RTN4RL1: variants seen among roughly 807,000 people sequenced by gnomAD.
RTN4RL1 encodes reticulon 4 receptor like 1.
In RTN4RL1, 7 loss-of-function variants were observed where a neutral mutation model predicts 25.6. The observed-to-expected ratio is 0.27, with a 90% confidence interval of 0.16 to 0.51. RTN4RL1 has a LOEUF of 0.51. Among genes scored for constraint, RTN4RL1 ranks in the 20% least tolerant of loss-of-function variants. RTN4RL1 has a pLI of 0.97. For missense variants in RTN4RL1, 500 were observed against 615.6 expected (o/e 0.81, Z 1.99); for synonymous variants, 297 against 288.2 (o/e 1.03, Z -0.31).
At chr17:1,951,660 T>C (rs1807546563) in intron 1 of RTN4RL1, among the ~76,000 whole-genome samples, 1 of 151,978 alleles carries the variant, frequency 6.6e-6, no homozygotes, top group East Asian at 1.9e-4. Context: ...CACATGTTGG[T>C]CAGGCTGGTC....
At position 1,951,062 on chromosome 17, in the gene RTN4RL1, G is replaced by A. The variant is rs939159634; in HGVS notation, c.14-13254C>T. Among the ~76,000 whole-genome samples, 10 of 151,742 alleles carry A rather than the reference G, an allele frequency of 6.6e-5. No individual in the cohort carries two copies. In the South Asian group the frequency reaches 1.7e-3, roughly 25 times the overall value. The stretch of plus-strand genomic sequence containing the variant: ...GGGTGGATCACGAGGTCAGGAGATC[G>A]AGACCATCCTGGCTAACACGGTGAA... On this transcript the variant is annotated intron_variant, in intron 1 of 1. Coordinates refer to ENST00000331238, the MANE Select transcript of RTN4RL1 (RefSeq NM_178568.4).
At chr17:1,954,080 C>T (rs532156585) in intron 1 of RTN4RL1, among the ~76,000 whole-genome samples, 4 of 152,184 alleles carry the variant, frequency 2.6e-5, no homozygotes, top group Middle Eastern at 3.2e-3. Flanking sequence ...AATGAGTCAA[C>T]CAATGCTGGA....
chr17:1,976,893 A>G (rs2066844825), intron 1 of RTN4RL1, among the ~76,000 whole-genome samples: 1 of 152,190 alleles, frequency 6.6e-6, no homozygotes, highest in Admixed American at 6.5e-5. Context: ...CAGCGTCTGT[A>G]TCTGTGAAAT....
At chr17:1,960,129 A>G (rs1915865570) in intron 1 of RTN4RL1, among the ~76,000 whole-genome samples, 1 of 151,264 alleles carries the variant, frequency 6.6e-6, no homozygotes, top group African/African-American at 2.4e-5. Flanking sequence ...CCTTTAATCC[A>G]CTAAGTCCCA....
chr17:2,013,228 C>G (rs1354193929), intron 1 of RTN4RL1, among the ~76,000 whole-genome samples: 1 of 152,298 alleles, frequency 6.6e-6, no homozygotes, highest in African/African-American at 2.4e-5. Context: ...GAGATAATGT[C>G]ATAACCACCC....
intron 1 of RTN4RL1, among the ~76,000 whole-genome samples, chr17:1,993,784 A>AC (rs916587576): frequency 1.4e-5 from 2 of 140,598 alleles, no homozygotes; most frequent in African/African-American, 5.4e-5. Flanking sequence ...TTTGAATCTC[A>AC]AAAAAAAAAA....
chr17:1,965,284 G>A (rs11658108), intron 1 of RTN4RL1, among the ~76,000 whole-genome samples: 33,490 of 150,732 alleles, frequency 0.22, 4,058 homozygotes, highest in Middle Eastern at 0.29. Flanking sequence ...CTCGTTTTTC[G>A]TATTTTTAGT....
intron 1 of RTN4RL1, among the ~76,000 whole-genome samples, chr17:1,965,826 C>T (rs1597499218): frequency 6.6e-6 from 1 of 152,198 alleles, no homozygotes; most frequent in Admixed American, 6.5e-5. Flanking sequence ...TCTCCGCCCT[C>T]GTCTGGGCTC....
intron 1 of RTN4RL1, among the ~76,000 whole-genome samples, chr17:1,982,744 G>A (rs557759524): frequency 2.6e-5 from 4 of 152,216 alleles, no homozygotes; most frequent in Non-Finnish European, 5.9e-5. Context: ...CAGGCTCCCC[G>A]ACAGCTCCAG....
At chr17:1,960,278 C>T (rs1235164958) in intron 1 of RTN4RL1, among the ~76,000 whole-genome samples, 1 of 151,720 alleles carries the variant, frequency 6.6e-6, no homozygotes, top group African/African-American at 2.4e-5. Context: ...ATATTGCAGC[C>T]CCATCACCAC....
Position 1,942,071 on chromosome 17 carries a change from G to A in RTN4RL1, c.14-4263C>T, listed in dbSNP as rs145767620. Among the ~76,000 whole-genome samples the A allele has an allele frequency of 8.4e-3, 1,278 of 152,224 alleles. 8 individuals carry two copies. Among genetic ancestry groups the A allele is most frequent in the Non-Finnish European group, 0.013 (883 of 67,978 alleles). ...CTGCACCCCTCCCACCAGCCTCCTC[G>A]TCCCCTCCTGGGTGGGCCAGGGGTG... On this transcript the variant is annotated intron_variant, in intron 1 of 1. Coordinates refer to ENST00000331238, the MANE Select transcript of RTN4RL1 (RefSeq NM_178568.4).
chr17:1,983,788 C>CA (rs1461870962), intron 1 of RTN4RL1, among the ~76,000 whole-genome samples: 16 of 151,844 alleles, frequency 1.1e-4, no homozygotes, highest in Admixed American at 9.2e-4. Flanking sequence ...GCAATCCTCC[C>CA]ACCTCAGCCT....
intron 1 of RTN4RL1, among the ~76,000 whole-genome samples, chr17:1,973,636 C>T (rs903421514): frequency 7.2e-5 from 11 of 152,172 alleles, no homozygotes; most frequent in African/African-American, 2.4e-4. Context: ...CAAGGACAGA[C>T]GTGACTGACC....
intron 1 of RTN4RL1, among the ~76,000 whole-genome samples, chr17:2,000,346 T>TTTTG (rs960015423): frequency 8.6e-4 from 131 of 151,860 alleles, no homozygotes; most frequent in African/African-American, 1.9e-3. Flanking sequence ...GGGTTCCAGT[T>TTTTG]TTTGTTTGTT....
chr17:1,956,409 C>G (rs1314522866), intron 1 of RTN4RL1, among the ~76,000 whole-genome samples: 1 of 141,094 alleles, frequency 7.1e-6, no homozygotes, highest in African/African-American at 2.7e-5. Flanking sequence ...CTTGGAGAGT[C>G]TGAAGGCTGA....
At chr17:1,997,792 C>T (rs909034505) in intron 1 of RTN4RL1, among the ~76,000 whole-genome samples, 8 of 152,234 alleles carry the variant, frequency 5.3e-5, no homozygotes, top group Non-Finnish European at 2.9e-5. Flanking sequence ...AGGCCTGAGC[C>T]GGGGCTGGGA....
At chr17:2,006,305 G>A (rs368279860) in intron 1 of RTN4RL1, among the ~76,000 whole-genome samples, 5 of 151,478 alleles carry the variant, frequency 3.3e-5, no homozygotes, top group Admixed American at 6.6e-5. Flanking sequence ...TTACAGGCGC[G>A]CGCCACCACA....
intron 1 of RTN4RL1, among the ~76,000 whole-genome samples, chr17:1,971,027 C>T (rs1422839577): frequency 6.6e-6 from 1 of 152,200 alleles, no homozygotes; most frequent in Non-Finnish European, 1.5e-5. Flanking sequence ...ACATTGTGTA[C>T]ATTACCCGAC....
chr17:1,936,351 G>C lies in RTN4RL1; in HGVS notation c.*145C>G, dbSNP rs963710731. ...CTTTGGGTTTATAATCCACATGGCA[G>C]GGTCCAGACGTCCAGACAGCAGCCG... On this transcript the variant is annotated 3_prime_UTR_variant, in exon 2 of 2. Transcript: ENST00000331238. 2.8e-6 allele frequency: 4 copies of C among 1,430,158 alleles called. No homozygotes were observed. In the African/African-American group the frequency reaches 5.8e-5, roughly 21 times the overall value. 88.6% of individuals were successfully genotyped at this position (1,430,158 alleles called of 1,614,324 possible).
Sources: gnomAD v4.1 joint callset for allele counts (sites outside exome capture counted in the v4.1 genomes callset) on GRCh38, gnomAD v4.1.1 for gene constraint, MANE v1.5 for transcripts, NCBI Gene and HGNC (gene_info 2026-07-23, HGNC 2026-07-21) for gene names.